GRK4: variants seen among roughly 807,000 people sequenced by gnomAD.
The protein encoded by GRK4 is G protein-coupled receptor kinase 4, also known as G protein-coupled receptor kinase 2-like.
Under a neutral mutation model 77.9 loss-of-function variants are expected in GRK4, and 73 were observed. That is an observed-to-expected ratio of 0.94 (90% CI 0.78 to 1.14). The LOEUF is 1.14. Ranked by LOEUF, GRK4 falls within the 50% of genes most tolerant of loss-of-function variation. The pLI is 0.00. For synonymous variants in GRK4, 257 were observed against 254.4 expected (o/e 1.01, Z -0.10); for missense variants, 729 against 700.2 (o/e 1.04, Z -0.46).
chr4:3,010,804 C>T (rs1732697836), intron 7 of GRK4, among the ~76,000 whole-genome samples: 1 of 152,166 alleles, frequency 6.6e-6, no homozygotes. Flanking sequence ...GGAAAAGCCA[C>T]TAGCATTGCC....
In GRK4 at chr4:2,989,130, G is replaced by A. The variant is rs531683372; in HGVS notation, c.261+291G>A. Among the ~76,000 whole-genome samples the A allele has an allele frequency of 1.7e-4, 26 of 152,066 alleles. No individual in the cohort carries two copies. The South Asian group carries it at 5.0e-3, about 29-fold the overall frequency. ...CAGGAGGCGGAGGTTGCAGTGAGCC[G>A]AGATCGCACCACTGCCTTCCAGCCT... is the stretch of plus-strand genomic sequence containing the variant. On this transcript the variant is annotated intron_variant, in intron 3 of 15. Coordinates refer to ENST00000398052, the MANE Select transcript of GRK4 (RefSeq NM_182982.3).
chr4:3,027,017 C>T (rs774467356), intron 10 of GRK4, among the ~76,000 whole-genome samples: 1 of 152,212 alleles, frequency 6.6e-6, no homozygotes, highest in Non-Finnish European at 1.5e-5. Context: ...AATCTTTCTA[C>T]ACACTCAACA....
intron 3 of GRK4, among the ~76,000 whole-genome samples, chr4:2,989,608 G>A (rs1198949146): frequency 6.6e-6 from 1 of 152,106 alleles, no homozygotes; most frequent in East Asian, 1.9e-4. Flanking sequence ...GCTCTAAGAT[G>A]ATAGTGCTTG....
At position 2,963,845 on chromosome 4, in the gene GRK4, C is replaced by T; in HGVS notation, c.-226C>T. The stretch of plus-strand genomic sequence containing the variant: ...CCCGCCGCGGTCGGGCTGCCCCCTC[C>T]CCTCGCCCCGACCGCTCCCCTGCTG... On this transcript the variant is annotated 5_prime_UTR_variant, in exon 1 of 16. Coordinates refer to ENST00000398052, the MANE Select transcript of GRK4 (RefSeq NM_182982.3). The T allele has an allele frequency of 1.7e-6, 1 of 577,530 alleles. No homozygotes were observed. Among genetic ancestry groups the T allele is most frequent in the African/African-American group, 2.0e-5 (1 of 50,164 alleles). 35.8% of individuals were successfully genotyped at this position (577,530 alleles called of 1,614,324 possible).
chr4:2,993,948 C>T (rs975209223), intron 4 of GRK4, among the ~76,000 whole-genome samples: 1 of 152,238 alleles, frequency 6.6e-6, no homozygotes, highest in African/African-American at 2.4e-5. Context: ...GGATATAGGG[C>T]CATCATCTTA....
At chr4:3,025,126 C>G (rs568928123) in intron 10 of GRK4, among the ~76,000 whole-genome samples, 1 of 151,674 alleles carries the variant, frequency 6.6e-6, no homozygotes, top group South Asian at 2.1e-4. Flanking sequence ...CAAAAATTAG[C>G]TGGGTGTGGT....
chr4:3,000,918 G>A (rs1183752317), intron 4 of GRK4, among the ~76,000 whole-genome samples: 7 of 151,814 alleles, frequency 4.6e-5, no homozygotes, highest in Non-Finnish European at 8.8e-5. Flanking sequence ...TTATTCTTAT[G>A]ACAGCCTTGC....
intron 3 of GRK4, among the ~76,000 whole-genome samples, chr4:2,990,646 G>A (rs1232586174): frequency 6.6e-6 from 1 of 152,188 alleles, no homozygotes; most frequent in Admixed American, 6.5e-5. Flanking sequence ...TTCTCATGTA[G>A]TGGGTAATGT....
intron 10 of GRK4, among the ~76,000 whole-genome samples, chr4:3,027,018 A>G (rs1450180796): frequency 1.3e-5 from 2 of 152,226 alleles, no homozygotes; most frequent in South Asian, 2.1e-4. Context: ...ATCTTTCTAC[A>G]CACTCAACAG....
intron 1 of GRK4, among the ~76,000 whole-genome samples, chr4:2,984,076 G>A (rs184878015): frequency 6.2e-4 from 95 of 152,222 alleles, no homozygotes; most frequent in Admixed American, 2.4e-3. Flanking sequence ...GATGAGATTT[G>A]GGTGGGGACA....
intron 10 of GRK4, among the ~76,000 whole-genome samples, chr4:3,024,504 G>T (rs1260382859): frequency 6.6e-6 from 1 of 152,064 alleles, no homozygotes; most frequent in Non-Finnish European, 1.5e-5. Flanking sequence ...GTAGCGATCC[G>T]CCTTGCCTCA....
chr4:3,004,271 C>T lies in GRK4; in HGVS notation c.380C>T (p.Thr127Ile), dbSNP rs1730666361. The change falls in exon 5 of 16, where the codon ACA becomes ATA. Residue 127 changes from threonine (T) to isoleucine (I), a missense_variant. By Grantham distance (89) the Thr-to-Ile change is moderately conservative (BLOSUM62 -1). Transcript: ENST00000398052. ...CCAGAAATACCTCCAGATGTTGTGA[C>T]AGAATGTAGATTGGGACTGAAGGAG... ...PLPEIPPDVV[T>I]ECRLGLKEEN... is the part of the protein sequence containing the mutation. 1 of 1,613,670 alleles carries T rather than the reference C, an allele frequency of 6.2e-7. No individual in the cohort carries two copies. The highest frequency in any genetic ancestry group is 8.5e-7 in the Non-Finnish European group (1 of 1,179,748).
chr4:2,972,392 C>T (rs1719826844), intron 1 of GRK4, among the ~76,000 whole-genome samples: 1 of 152,116 alleles, frequency 6.6e-6, no homozygotes. Context: ...TGAGTATGAC[C>T]GGGCCCGGGC....
intron 1 of GRK4, chr4:2,965,209 A>G (rs909287297): frequency 1.4e-6 from 1 of 693,330 alleles, no homozygotes; most frequent in Non-Finnish European, 2.6e-6. Context: ...TAACATAAAT[A>G]TCCTCCTGTT....
chr4:3,008,530 G>A (rs943168978), intron 6 of GRK4, among the ~76,000 whole-genome samples: 58 of 152,178 alleles, frequency 3.8e-4, no homozygotes, highest in African/African-American at 1.3e-3. Context: ...TGGGCCGGGC[G>A]CAGTGGCTCA....
At chr4:2,992,365 A>G (rs1391446857) in intron 4 of GRK4, 73 bp downstream of exon 4, 1 of 1,006,414 alleles carries the variant, frequency 9.9e-7, no homozygotes, top group Non-Finnish European at 1.5e-6. Context: ...ACTTTGTTAG[A>G]TAAGACGTAA....
At chr4:2,985,494 C>A (rs1182458847) in intron 2 of GRK4, among the ~76,000 whole-genome samples, 2 of 151,144 alleles carry the variant, frequency 1.3e-5, no homozygotes, top group Non-Finnish European at 2.9e-5. Flanking sequence ...TCCCTTGAGC[C>A]CAAGAGGTTG....
chr4:2,968,299 T>C (rs1277906373), intron 1 of GRK4, among the ~76,000 whole-genome samples: 2 of 152,220 alleles, frequency 1.3e-5, no homozygotes, highest in African/African-American at 2.4e-5. Flanking sequence ...TTTGGTCTTA[T>C]ATATTGCAAT....
chr4:3,022,861 A>AT (rs903853306), intron 10 of GRK4, among the ~76,000 whole-genome samples: 15 of 151,812 alleles, frequency 9.9e-5, no homozygotes, highest in East Asian at 1.9e-4. Flanking sequence ...TAATTTTTAA[A>AT]TTTTTTTTGT....
Sources: allele counts gnomAD v4.1 joint callset (sites outside exome capture counted in the v4.1 genomes callset), GRCh38; gene constraint gnomAD v4.1.1; transcripts MANE v1.5; gene names NCBI Gene and HGNC (gene_info 2026-07-23, HGNC 2026-07-21).